The following PALD1 variants were observed in gnomAD, a reference collection of about 807,000 sequenced individuals.
The protein encoded by PALD1 is phosphatase domain containing paladin 1.
In PALD1, 57 loss-of-function variants were observed where a neutral mutation model predicts 96.0. That is an observed-to-expected ratio of 0.59 (90% confidence interval 0.48 to 0.74). PALD1 has a LOEUF of 0.74. Ranked by LOEUF, PALD1 falls within the 30% of genes least tolerant of loss-of-function variation. PALD1 has a pLI of 0.00. For synonymous variants in PALD1, 464 were observed against 473.6 expected (o/e 0.98, Z 0.26); for missense variants, 1,063 against 1,143.7 (o/e 0.93, Z 1.02).
At chr10:70,486,625 G>A (rs150523507) in intron 1 of PALD1, among the ~76,000 whole-genome samples, 2,425 of 152,208 alleles carry the variant, frequency 0.016, 72 homozygotes, top group African/African-American at 0.056. Flanking sequence ...GCCAGGTGTG[G>A]TGGTGGGTGC....
rs1188948766 is a variant in PALD1 at position 70,539,354 on chromosome 10, A to G, written c.1725+107A>G. 1 of 1,211,666 alleles carries G rather than the reference A, an allele frequency of 8.3e-7. No individual in the cohort carries two copies. Among genetic ancestry groups the G allele is most frequent in the Non-Finnish European group, 1.1e-6 (1 of 883,420 alleles). The allele number at this position is 1,211,666 out of a possible 1,614,324, so 75.1% of individuals were successfully genotyped here. A position where few individuals can be genotyped will look rare whatever the true frequency, so the allele number is the denominator to read the frequency against. ...CTCCCGCAGACAGATGGAGAATCTG[A>G]GGCCCCGGGAGGAGCAGTGTCAGGG... On this transcript the variant is annotated intron_variant, in intron 14 of 19. Coordinates refer to ENST00000263563, the MANE Select transcript of PALD1 (RefSeq NM_014431.3). The surrounding 1 kb of genome is among the most constrained non-coding windows in gnomAD (Gnocchi z 4.5).
At chr10:70,463,265 A>T in the PALD1 span, among the ~76,000 whole-genome samples, 1 of 152,154 alleles carries the variant, frequency 6.6e-6, no homozygotes, top group Non-Finnish European at 1.5e-5. Context: ...TTAGCCGGGC[A>T]TGGTGGCAGG....
intron 7 of PALD1, 74 bp from the exon 8 acceptor site, chr10:70,533,848 C>T (rs2132377126): frequency 7.2e-7 from 1 of 1,380,256 alleles, no homozygotes; most frequent in East Asian, 2.6e-5. Context: ...TGATGTCATG[C>T]TTTTCTCCCT....
chr10:70,531,342 A>T lies in PALD1; in HGVS notation c.521A>T (p.Asp174Val). 1 of 1,613,980 alleles carries T rather than the reference A, an allele frequency of 6.2e-7. No homozygotes were observed. The highest frequency in any genetic ancestry group is 8.5e-7 in the Non-Finnish European group (1 of 1,179,898). The change falls in exon 5 of 20, where the codon GAT becomes GTT. Residue 174 changes from aspartate to valine, a missense_variant. Physicochemically the swap from Asp to Val is radical, Grantham distance 152. Transcript: ENST00000263563. ...GAACCTGTGCTTTTCCTGCGTGCAG[A>T]TGAGGACTTTGTGTCCTACACACCT... Reference protein sequence around the residue: ...REEPVLFLRADEDFVSYTPRD... With the variant: ...REEPVLFLRAVEDFVSYTPRD...
upstream of PALD1, among the ~76,000 whole-genome samples, chr10:70,478,105 A>C (rs1845857962): frequency 6.6e-6 from 1 of 150,880 alleles, no homozygotes; most frequent in African/African-American, 2.4e-5. Context: ...GTGGGGGCGG[A>C]GGGACCCCTC....
At chr10:70,519,379 A>C (rs1846681565) in intron 1 of PALD1, among the ~76,000 whole-genome samples, 1 of 152,098 alleles carries the variant, frequency 6.6e-6, no homozygotes, top group Non-Finnish European at 1.5e-5. Context: ...TATCTGATAC[A>C]GGCCCACTTT....
intron 2 of PALD1, among the ~76,000 whole-genome samples, chr10:70,526,967 A>G (rs987316339): frequency 6.6e-6 from 1 of 152,176 alleles, no homozygotes; most frequent in Non-Finnish European, 1.5e-5. Flanking sequence ...GGTGGGAATG[A>G]TAAACCCTGC....
chr10:70,542,049 C>T (rs1305774463), intron 17 of PALD1, among the ~76,000 whole-genome samples: 1 of 152,168 alleles, frequency 6.6e-6, no homozygotes, highest in Non-Finnish European at 1.5e-5. Flanking sequence ...TGGCAACGTC[C>T]CTCGGAGTTG....
At chr10:70,485,636 C>CT (rs1846006586) in intron 1 of PALD1, 1 of 152,164 alleles carries the variant, frequency 6.6e-6, no homozygotes, top group Non-Finnish European at 1.5e-5. Flanking sequence ...TCTTGAACTC[C>CT]TGACCTCAAG....
intron 1 of PALD1, among the ~76,000 whole-genome samples, chr10:70,523,496 G>A (rs1039509734): frequency 1.3e-5 from 2 of 152,188 alleles, no homozygotes; most frequent in Admixed American, 6.5e-5. Context: ...TGCCAGGGCT[G>A]GTGAGGTGGA....
rs527648673 is a variant in PALD1, at chr10:70,562,521, C to T, written c.2263-1843C>T. Among the ~76,000 whole-genome samples, 18 of 152,316 alleles carry T rather than the reference C, an allele frequency of 1.2e-4. No individual in the cohort carries two copies. The South Asian group carries it at 2.3e-3, about 19-fold the overall frequency. On this transcript the variant is annotated intron_variant, in intron 18 of 19. Coordinates refer to ENST00000263563, the MANE Select transcript of PALD1 (RefSeq NM_014431.3). Reference sequence around the variant, plus strand: ...TGTAGGCTGATGTTGTGTTCCTGTGCGGAAGGGCTTCCAGCTGCAGCCCAG... The same window carrying T: ...TGTAGGCTGATGTTGTGTTCCTGTGTGGAAGGGCTTCCAGCTGCAGCCCAG...
chr10:70,538,854 G>A lies in PALD1; in HGVS notation c.1453-38G>A, dbSNP rs369455338. The A allele has an allele frequency of 5.1e-6, 8 of 1,559,056 alleles. No homozygotes were observed. The East Asian group carries it at 6.7e-5, about 13-fold the overall frequency. On this transcript the variant is annotated intron_variant, in intron 12 of 19. Transcript: ENST00000263563. The stretch of plus-strand genomic sequence containing the variant: ...CCTGACCCTTTCTGCGGCTACAGTC[G>A]GCTGCTGTGGGTCCCAGGCTTGGTG...
intron 18 of PALD1, among the ~76,000 whole-genome samples, chr10:70,556,279 C>CCTCCCTCTCTCTCTCT (rs527928462): frequency 1.6e-5 from 2 of 128,652 alleles, no homozygotes; most frequent in African/African-American, 2.9e-5. Context: ...GTAGCCGAGA[C>CCTCCCTCTCTCTCTCT]CTCTCTCTCT....
At chr10:70,530,857 C>G (rs1846977051) in intron 4 of PALD1, among the ~76,000 whole-genome samples, 1 of 152,158 alleles carries the variant, frequency 6.6e-6, no homozygotes, top group Admixed American at 6.5e-5. Context: ...ATTGCGTGGT[C>G]ATGGGGCATT....
chr10:70,471,842 G>T, the PALD1 span, among the ~76,000 whole-genome samples: 1 of 152,220 alleles, frequency 6.6e-6, no homozygotes, highest in Non-Finnish European at 1.5e-5. Context: ...GTTCTTTGAG[G>T]CTCAGAGAGT....
At chr10:70,490,528 G>A (rs977894752) in intron 1 of PALD1, among the ~76,000 whole-genome samples, 1 of 152,142 alleles carries the variant, frequency 6.6e-6, no homozygotes, top group African/African-American at 2.4e-5. Context: ...TAACTGAAAT[G>A]TGTATAAGAC....
intron 1 of PALD1, among the ~76,000 whole-genome samples, chr10:70,516,382 C>T (rs2132329552): frequency 6.6e-6 from 1 of 152,270 alleles, no homozygotes; most frequent in East Asian, 1.9e-4. Flanking sequence ...GATCCGCCCA[C>T]CTCAGCCTCT....
rs374728606 is a variant in PALD1, at chr10:70,534,714, T to A, written c.1123-25T>A. 7 of 1,532,710 alleles carry A rather than the reference T, an allele frequency of 4.6e-6. No homozygotes were observed. The African/African-American group carries it at 8.2e-5, about 18-fold the overall frequency. The allele number at this position is 1,532,710 out of a possible 1,614,324, so 94.9% of individuals were successfully genotyped here. A position where few individuals can be genotyped will look rare whatever the true frequency, so the allele number is the denominator to read the frequency against. On this transcript the variant is annotated intron_variant, in intron 9 of 19. Transcript: ENST00000263563. Reference sequence around the variant, plus strand: ...GCTCCCCACCCCCCCACCTCCCTCTTACTTGCCTTGGTCTCTGGCACCAGG... The same window carrying A: ...GCTCCCCACCCCCCCACCTCCCTCTAACTTGCCTTGGTCTCTGGCACCAGG...
intron 10 of PALD1, among the ~76,000 whole-genome samples, 192 bp from the exon 11 acceptor site, chr10:70,537,619 G>T (rs144383448): frequency 6.6e-6 from 1 of 152,342 alleles, no homozygotes; most frequent in Non-Finnish European, 1.5e-5. Flanking sequence ...TCCCCTGACC[G>T]CAGATAACCA....
Sources: gnomAD v4.1 joint callset for allele counts (sites outside exome capture counted in the v4.1 genomes callset) on GRCh38, gnomAD v4.1.1 for gene constraint, Gnocchi (gnomAD v3.1) non-coding constraint, MANE v1.5 for transcripts, NCBI Gene and HGNC (gene_info 2026-07-23, HGNC 2026-07-21) for gene names.